The following SEM1 variants were observed in gnomAD, a reference collection of about 807,000 sequenced individuals.
SEM1 encodes SEM1 26S proteasome subunit, also known as 26S proteasome complex subunit SEM1.
A neutral mutation model predicts 12.7 loss-of-function variants in SEM1; 3 were observed. That is an observed-to-expected ratio of 0.24 (90% CI 0.11 to 0.61). The LOEUF is 0.61. Ranked by LOEUF, SEM1 falls within the 20% of genes least tolerant of loss-of-function variation. The pLI is 0.88. For missense variants in SEM1, 59 were observed against 81.3 expected, an observed-to-expected ratio of 0.73 and a Z score of 1.06; for synonymous variants, 30 against 27.8, an observed-to-expected ratio of 1.08 and a Z score of -0.25.
chr7:96,529,841 C>T lies in SEM1; in HGVS notation c.171-23143G>A, dbSNP rs79325502. 4.8e-3 allele frequency among the ~76,000 whole-genome samples: 738 copies of T among 152,182 alleles called. 5 individuals carry two copies. The highest frequency in any genetic ancestry group is 0.015 in the African/African-American group (633 of 41,530). On this transcript the variant is annotated intron_variant and NMD_transcript_variant, in intron 2 of 3. Coordinates refer to the SEM1 transcript ENST00000466986. Reference sequence around the variant, plus strand: ...CACACACTTTGGGTTTAAAAATTATCTTGGTGATATGTAAAGGAAGAGCTT... The same window carrying T: ...CACACACTTTGGGTTTAAAAATTATTTTGGTGATATGTAAAGGAAGAGCTT...
chr7:96,490,231 A>T lies in SEM1; in HGVS notation c.13-3814T>A, dbSNP rs368851978. On this transcript the variant is annotated intron_variant, in intron 1 of 3. Coordinates refer to the SEM1 transcript ENST00000356686. ...TTGTCTTAAAAGCTTGTTATAAACT[A>T]TCTGCAGATTCCAAGGACGTTGAAG... is the stretch of plus-strand genomic sequence containing the variant. 2.8e-4 allele frequency among the ~76,000 whole-genome samples: 42 copies of T among 152,312 alleles called. 1 individual carries two copies. The South Asian group carries it at 8.3e-3, about 30-fold the overall frequency.
chr7:96,553,711 G>GT (rs1369154158), intron 2 of SEM1, among the ~76,000 whole-genome samples: 3 of 152,092 alleles, frequency 2.0e-5, no homozygotes, highest in African/African-American at 4.8e-5. Flanking sequence ...CTTTAAAGTA[G>GT]TTTTTTCCAA....
chr7:96,663,225 T>C (rs1333049975), intron 2 of SEM1, among the ~76,000 whole-genome samples: 1 of 152,088 alleles, frequency 6.6e-6, no homozygotes, highest in Non-Finnish European at 1.5e-5. Context: ...GCAATGAGTA[T>C]GTGGAAGTTA....
At chr7:96,666,638 T>TA (rs1789179727) in intron 2 of SEM1, among the ~76,000 whole-genome samples, 1 of 66,202 alleles carries the variant, frequency 1.5e-5, no homozygotes, top group African/African-American at 1.1e-4. Flanking sequence ...TTGAATCCAA[T>TA]TTTTTTTTTT....
chr7:96,704,008 C>CACAT (rs1280751936), intron 1 of SEM1, among the ~76,000 whole-genome samples: 4 of 146,256 alleles, frequency 2.7e-5, no homozygotes, highest in African/African-American at 1.0e-4. Flanking sequence ...CACACACACA[C>CACAT]ACATACATAA....
intron 1 of SEM1, among the ~76,000 whole-genome samples, chr7:96,702,518 C>G (rs13238920): frequency 0.038 from 5,733 of 152,274 alleles, 150 homozygotes; most frequent in Middle Eastern, 0.071. Context: ...TGAAGGAGTT[C>G]TGCATGTTCA....
chr7:96,524,965 T>C (rs1804403776), intron 2 of SEM1, among the ~76,000 whole-genome samples: 1 of 152,122 alleles, frequency 6.6e-6, no homozygotes, highest in South Asian at 2.1e-4. Context: ...ATTAAAAATA[T>C]ATGTCCTCAA....
chr7:96,683,963 C>T (rs1789691727), downstream of SEM1, among the ~76,000 whole-genome samples: 1 of 152,012 alleles, frequency 6.6e-6, no homozygotes, highest in East Asian at 1.9e-4. Context: ...CACAATGGCA[C>T]ATGTATACCT....
At chr7:96,533,644 C>T (rs1424815686) in intron 2 of SEM1, among the ~76,000 whole-genome samples, 1 of 152,000 alleles carries the variant, frequency 6.6e-6, no homozygotes, top group African/African-American at 2.4e-5. Context: ...GTTATTCCCT[C>T]CTTTGGTGTC....
intron 2 of SEM1, among the ~76,000 whole-genome samples, chr7:96,528,000 G>A (rs958057752): frequency 3.9e-5 from 6 of 152,116 alleles, no homozygotes; most frequent in African/African-American, 1.4e-4. Context: ...GCTCCTTGCA[G>A]GATGATGTTT....
At chr7:96,670,499 G>A (rs908622227), downstream of SEM1, among the ~76,000 whole-genome samples, 3 of 152,144 alleles carry the variant, frequency 2.0e-5, no homozygotes, top group African/African-American at 7.2e-5. Context: ...GCGGAAAATA[G>A]AAGAAAGGAT....
intron 2 of SEM1, among the ~76,000 whole-genome samples, chr7:96,643,857 A>C (rs764128673): frequency 6.6e-6 from 1 of 152,090 alleles, no homozygotes; most frequent in Non-Finnish European, 1.5e-5. Flanking sequence ...TCTTTAAGTA[A>C]GATAAGAATA....
Position 96,704,014 on chromosome 7 carries a change from C to CAT in SEM1, c.76+5672_76+5673dup, listed in dbSNP as rs1202221735. Among the ~76,000 whole-genome samples, 6 of 149,188 alleles carry CAT rather than the reference C, an allele frequency of 4.0e-5. No individual in the cohort carries two copies. The South Asian group carries it at 8.6e-4, about 21-fold the overall frequency. On this transcript the variant is annotated intron_variant, in intron 1 of 2. Transcript: ENST00000248566. ...ACACACACACACACACACACACATA[C>CAT]ATAAAAGAACCAAAGAAAAAACCCT...
chr7:96,487,597 G>A (rs1802826703), intron 1 of SEM1, among the ~76,000 whole-genome samples: 2 of 149,930 alleles, frequency 1.3e-5, no homozygotes, highest in Non-Finnish European at 2.9e-5. Flanking sequence ...AGGTGGACAT[G>A]GCAAGTATTC....
intron 2 of SEM1, among the ~76,000 whole-genome samples, chr7:96,526,867 A>C (rs957333135): frequency 6.6e-6 from 1 of 152,088 alleles, no homozygotes; most frequent in Non-Finnish European, 1.5e-5. Context: ...CCTCCTTAAA[A>C]AAAAAAGTTA....
At chr7:96,645,766 A>C (rs1337580978) in intron 2 of SEM1, 2 of 398,300 alleles carry the variant, frequency 5.0e-6, no homozygotes, top group Admixed American at 4.4e-5. Context: ...GGATAGATGG[A>C]TGGATGGATT....
At chr7:96,607,403 G>A (rs936962168) in intron 2 of SEM1, among the ~76,000 whole-genome samples, 6 of 152,142 alleles carry the variant, frequency 3.9e-5, no homozygotes, top group African/African-American at 1.4e-4. Flanking sequence ...ATTTCATTTT[G>A]AGAGTTTAGA....
At chr7:96,570,346 G>GC (rs899707335) in intron 2 of SEM1, among the ~76,000 whole-genome samples, 1 of 151,102 alleles carries the variant, frequency 6.6e-6, no homozygotes, top group African/African-American at 2.4e-5. Context: ...CTCTCCCCTA[G>GC]CCCCCCACCC....
Position 96,556,499 on chromosome 7 carries a change from A to C in SEM1, c.171-49801T>G, listed in dbSNP as rs1177809694. 3.9e-5 allele frequency among the ~76,000 whole-genome samples: 6 copies of C among 152,212 alleles called. No homozygotes were observed. The East Asian group carries it at 7.7e-4, about 20-fold the overall frequency. On this transcript the variant is annotated intron_variant and NMD_transcript_variant, in intron 2 of 3. Coordinates refer to the SEM1 transcript ENST00000466986. ...TTCTGGGTTGAAAATTCTTTTCTTT[A>C]AGAATGTTGAATATTGGCCCCCACT... is the stretch of plus-strand genomic sequence containing the variant.
Sources: gnomAD v4.1 joint callset for allele counts (sites outside exome capture counted in the v4.1 genomes callset) on GRCh38, gnomAD v4.1.1 for gene constraint, MANE v1.5 for transcripts, NCBI Gene and HGNC (gene_info 2026-07-23, HGNC 2026-07-21) for gene names.